Variants in MERTK observed in about 807,000 individuals in gnomAD.
The protein encoded by MERTK is MER proto-oncogene, tyrosine kinase, also known as tyrosine-protein kinase Mer.
Under a neutral mutation model 99.3 loss-of-function variants are expected in MERTK, and 69 were observed. The observed-to-expected ratio is 0.70, with a 90% CI of 0.57 to 0.85. The LOEUF (loss-of-function observed/expected upper bound fraction) is 0.85, where lower values mean the gene tolerates loss of function less well. Among genes scored for constraint, MERTK ranks in the 40% least tolerant of loss-of-function variants. The pLI, the probability that MERTK is intolerant of heterozygous loss-of-function variation, is 0.00. For synonymous variants in MERTK, 426 were observed against 467.6 expected, an observed-to-expected ratio of 0.91 and a Z score of 1.15; for missense variants, 1,125 against 1,249.4, an observed-to-expected ratio of 0.90 and a Z score of 1.50.
chr2:111,930,155 A>G (rs1684644224), intron 2 of MERTK: 1 of 152,478 alleles, frequency 6.6e-6, no homozygotes, highest in African/African-American at 2.4e-5. Context: ...AGTGAGTGGG[A>G]ACAGTGTTTC....
intron 4 of MERTK, among the ~76,000 whole-genome samples, chr2:111,958,955 A>G (rs1685197417): frequency 7.2e-6 from 1 of 137,994 alleles, no homozygotes; most frequent in Non-Finnish European, 1.6e-5. Flanking sequence ...GAGTTTTGAT[A>G]ATAATTGAAG....
At chr2:111,942,394 G>A (rs754990499) in intron 2 of MERTK, among the ~76,000 whole-genome samples, 2 of 152,160 alleles carry the variant, frequency 1.3e-5, no homozygotes, top group East Asian at 1.9e-4. Flanking sequence ...CAGGGTCACC[G>A]CTCAACCACT....
intron 1 of MERTK, among the ~76,000 whole-genome samples, chr2:111,909,138 G>T (rs1377974410): frequency 6.6e-6 from 1 of 152,122 alleles, no homozygotes; most frequent in African/African-American, 2.4e-5. Context: ...GCTGGCAAAG[G>T]TGCAGAGAAA....
At chr2:112,005,481 G>C (rs1353635579) in intron 13 of MERTK, among the ~76,000 whole-genome samples, 1 of 152,238 alleles carries the variant, frequency 6.6e-6, no homozygotes, top group Non-Finnish European at 1.5e-5. Context: ...AAGATGACCA[G>C]ATTTCACTGG....
rs779086053 is a variant in MERTK, at chr2:111,929,367, A to G, written c.309A>G (p.Ile103Met). ...PLAFKHTVGH[I>M]ILSEHKGVKF... ...CCTTCAAACACACAGTTGGACACATAATACTTTCTGAACATAAAGGTGTCA... is the reference window on the plus strand; with the variant it reads ...CCTTCAAACACACAGTTGGACACATGATACTTTCTGAACATAAAGGTGTCA... The change falls in exon 2 of 19, where the codon ATA (isoleucine) becomes ATG (methionine). Residue 103 changes from isoleucine to methionine, a missense_variant. Ile to Met is a conservative substitution (Grantham distance 10). Coordinates refer to ENST00000295408, the MANE Select transcript of MERTK (RefSeq NM_006343.3). 2.5e-6 allele frequency: 4 copies of G among 1,614,026 alleles called. No individual in the cohort carries two copies. In the African/African-American group the frequency reaches 5.3e-5, roughly 22 times the overall value.
chr2:111,951,745 A>G (rs1685062328), intron 4 of MERTK, among the ~76,000 whole-genome samples: 1 of 151,744 alleles, frequency 6.6e-6, no homozygotes, highest in Non-Finnish European at 1.5e-5. Context: ...TTTTCTGAGG[A>G]ACCTCCAAAC....
At chr2:112,016,315 T>C (rs1305741650) in intron 15 of MERTK, among the ~76,000 whole-genome samples, 1 of 152,172 alleles carries the variant, frequency 6.6e-6, no homozygotes, top group Admixed American at 6.5e-5. Flanking sequence ...GTATTTTCAA[T>C]GATGGAAAAT....
intron 2 of MERTK, among the ~76,000 whole-genome samples, chr2:111,931,642 C>T (rs939078538): frequency 2.0e-5 from 3 of 151,006 alleles, no homozygotes; most frequent in Non-Finnish European, 4.4e-5. Context: ...GCCAAGATTG[C>T]ACCACTGCAC....
chr2:111,995,721 A>G (rs1676721863), intron 9 of MERTK, among the ~76,000 whole-genome samples: 1 of 152,204 alleles, frequency 6.6e-6, no homozygotes, highest in Non-Finnish European at 1.5e-5. Context: ...AGGCCAAGGC[A>G]GGCAGATCAC....
chr2:111,963,267 T>C (rs1413852558), intron 4 of MERTK, among the ~76,000 whole-genome samples: 1 of 152,180 alleles, frequency 6.6e-6, no homozygotes, highest in Non-Finnish European at 1.5e-5. Context: ...GAACATACAA[T>C]GGGGTTTTAT....
At chr2:111,906,455 A>C (rs1233256011) in intron 1 of MERTK, among the ~76,000 whole-genome samples, 4 of 152,222 alleles carry the variant, frequency 2.6e-5, no homozygotes, top group Non-Finnish European at 4.4e-5. Context: ...GATCACTTTC[A>C]CAAGTAAGAA....
intron 8 of MERTK, among the ~76,000 whole-genome samples, chr2:111,993,331 A>T (rs1676669994): frequency 6.6e-6 from 1 of 152,138 alleles, no homozygotes; most frequent in African/African-American, 2.4e-5. Flanking sequence ...TAGGAAAGTG[A>T]CTGGCTTGAG....
At chr2:111,910,610 G>GTGTGTGTGTGTATATATATATA (rs370882764) in intron 1 of MERTK, among the ~76,000 whole-genome samples, 8 of 143,588 alleles carry the variant, frequency 5.6e-5, no homozygotes, top group African/African-American at 2.1e-4. Context: ...GTGTGTGTGT[G>GTGTGTGTGTGTATATATATATA]TATATATATA....
intron 8 of MERTK, among the ~76,000 whole-genome samples, chr2:111,985,518 T>C (rs1051048311): frequency 6.6e-6 from 1 of 152,204 alleles, no homozygotes; most frequent in Admixed American, 6.5e-5. Context: ...TGACAGATTG[T>C]ATTAGTCTGT....
chr2:111,919,040 G>A (rs1294738699), intron 1 of MERTK, among the ~76,000 whole-genome samples: 5 of 152,216 alleles, frequency 3.3e-5, no homozygotes, highest in Non-Finnish European at 7.3e-5. Context: ...AGGAGAGTGA[G>A]TTTTGAATGG....
intron 15 of MERTK, among the ~76,000 whole-genome samples, chr2:112,014,033 T>C (rs964991766): frequency 2.0e-5 from 3 of 150,454 alleles, no homozygotes; most frequent in African/African-American, 7.3e-5. Context: ...TTTTTTTTTT[T>C]TTTTTTGAGA....
chr2:111,993,894 G>A (rs920060325), intron 8 of MERTK, among the ~76,000 whole-genome samples: 4 of 152,216 alleles, frequency 2.6e-5, no homozygotes, highest in Admixed American at 6.5e-5. Flanking sequence ...TGTGACTGGC[G>A]TATTGTGCTG....
intron 15 of MERTK, chr2:112,013,645 C>T (rs1159861405): frequency 6.5e-6 from 1 of 154,336 alleles, no homozygotes; most frequent in Non-Finnish European, 1.5e-5. Context: ...CACAGGGGGC[C>T]ATGGTGAAAG....
intron 2 of MERTK, among the ~76,000 whole-genome samples, chr2:111,941,320 G>A (rs2104698950): frequency 6.6e-6 from 1 of 152,182 alleles, no homozygotes; most frequent in East Asian, 1.9e-4. Context: ...GAAGCTTTTG[G>A]GATCTTCACC....
Sources: allele counts gnomAD v4.1 joint callset (sites outside exome capture counted in the v4.1 genomes callset), GRCh38; gene constraint gnomAD v4.1.1; transcripts MANE v1.5; gene names NCBI Gene and HGNC (gene_info 2026-07-23, HGNC 2026-07-21).